MBTPS1: variants seen among roughly 807,000 people sequenced by gnomAD.
The protein encoded by MBTPS1 is membrane bound transcription factor peptidase, site 1.
Under a neutral mutation model 127.8 loss-of-function variants are expected in MBTPS1, and 94 were observed. The observed-to-expected ratio is 0.74, with a 90% CI of 0.62 to 0.87. The LOEUF (loss-of-function observed/expected upper bound fraction) is 0.87, where lower values mean the gene tolerates loss of function less well. Ranked by LOEUF, MBTPS1 falls within the 40% of genes least tolerant of loss-of-function variation. MBTPS1 has a pLI of 0.00. For missense variants in MBTPS1, 1,636 were observed against 1,353.2 expected, an observed-to-expected ratio of 1.21 and a Z score of -3.28; for synonymous variants, 632 against 509.4, an observed-to-expected ratio of 1.24 and a Z score of -3.24.
At chr16:84,089,846 T>A (rs138568108) in intron 8 of MBTPS1, among the ~76,000 whole-genome samples, 1 of 152,038 alleles carries the variant, frequency 6.6e-6, no homozygotes, top group Admixed American at 6.5e-5. Context: ...CAGCCTTGAG[T>A]GGGGACATCA....
chr16:84,063,238 T>A, intron 19 of MBTPS1, 67 bp downstream of exon 19: 2 of 1,560,530 alleles, frequency 1.3e-6, no homozygotes. Flanking sequence ...ACGGGCGCCT[T>A]TCCAGAGACA....
intron 3 of MBTPS1, among the ~76,000 whole-genome samples, chr16:84,097,176 G>C (rs1336526726): frequency 1.3e-5 from 2 of 152,180 alleles, no homozygotes; most frequent in Non-Finnish European, 2.9e-5. Flanking sequence ...TATGGCCCAT[G>C]GGATAGAACC....
intron 11 of MBTPS1, among the ~76,000 whole-genome samples, chr16:84,078,875 G>A (rs1015105962): frequency 6.6e-6 from 1 of 152,218 alleles, no homozygotes; most frequent in Non-Finnish European, 1.5e-5. Flanking sequence ...CTGATGTCAT[G>A]GTTACCTAAG....
In MBTPS1 at chr16:84,085,967, C is replaced by G. The variant is rs1222069332; in HGVS notation, c.1135-833G>C. On this transcript the variant is annotated intron_variant, in intron 9 of 22. Coordinates refer to ENST00000343411, the MANE Select transcript of MBTPS1 (RefSeq NM_003791.4). ...AACCACTGAGAAGGAACAAGATAAC[C>G]ACACGACTAACTTGGGATAACGTTT... The G allele has an allele frequency of 2.0e-5, 3 of 152,002 alleles. No homozygotes were observed. In the East Asian group the frequency reaches 5.8e-4, roughly 29 times the overall value. The allele number at this position is 152,002 out of a possible 1,614,324, so 9.4% of individuals were successfully genotyped here.
chr16:84,079,058 T>C (rs2085900802), intron 11 of MBTPS1, among the ~76,000 whole-genome samples: 1 of 152,222 alleles, frequency 6.6e-6, no homozygotes, highest in Non-Finnish European at 1.5e-5. Context: ...ACCATCCCTC[T>C]GGTGGTAACT....
At chr16:84,073,122 A>G (rs1310462657) in intron 12 of MBTPS1, among the ~76,000 whole-genome samples, 2 of 152,210 alleles carry the variant, frequency 1.3e-5, no homozygotes, top group Non-Finnish European at 2.9e-5. Context: ...TACTGGTGCC[A>G]TGCATATAGT....
chr16:84,095,555 C>T, intron 4 of MBTPS1, 47 bp downstream of exon 4: 1 of 1,590,920 alleles, frequency 6.3e-7, no homozygotes, highest in Middle Eastern at 2.0e-4. Flanking sequence ...GGTAATAGCA[C>T]ACACCTGTAT....
In MBTPS1 at chr16:84,083,711, TATTA is replaced by T. The variant is rs530058684; in HGVS notation, c.1286+1268_1286+1271del. 2.3e-3 allele frequency among the ~76,000 whole-genome samples: 355 copies of T among 152,360 alleles called. 4 individuals are homozygous for T. The highest frequency in any genetic ancestry group is 7.8e-3 in the African/African-American group (325 of 41,588). ...AAAGACATTTAATACTATTTGCCTA[TATTA>T]ATTAATTTTTAAATTAGCATAGAAT... On this transcript the variant is annotated intron_variant, in intron 10 of 22. Coordinates refer to ENST00000343411, the MANE Select transcript of MBTPS1 (RefSeq NM_003791.4).
chr16:84,089,901 G>C (rs368778774), intron 8 of MBTPS1, among the ~76,000 whole-genome samples: 6 of 152,216 alleles, frequency 3.9e-5, no homozygotes, highest in African/African-American at 1.4e-4. Context: ...CACCTGACGA[G>C]ATGACTTAAT....
At chr16:84,090,395 C>T (rs895680407) in intron 8 of MBTPS1, among the ~76,000 whole-genome samples, 2 of 152,178 alleles carry the variant, frequency 1.3e-5, no homozygotes, top group Non-Finnish European at 2.9e-5. Flanking sequence ...AAGCACCGGC[C>T]ATGTTGCCGT....
At chr16:84,079,222 G>C (rs1341562715) in intron 11 of MBTPS1, among the ~76,000 whole-genome samples, 1 of 152,192 alleles carries the variant, frequency 6.6e-6, no homozygotes, top group Non-Finnish European at 1.5e-5. Context: ...GCAGGTGCTG[G>C]TGCTATGCTT....
At chr16:84,079,987 A>G (rs536087319) in intron 11 of MBTPS1, among the ~76,000 whole-genome samples, 100 of 152,322 alleles carry the variant, frequency 6.6e-4, no homozygotes, top group Non-Finnish European at 1.0e-3. Flanking sequence ...AGCTGCTTGG[A>G]GACAGAACTG....
At chr16:84,063,167 G>A in intron 19 of MBTPS1, 138 bp downstream of exon 19, 1 of 847,546 alleles carries the variant, frequency 1.2e-6, no homozygotes, top group Non-Finnish European at 1.9e-6. Flanking sequence ...CAAAGTGACT[G>A]CAACATCTCC....
intron 16 of MBTPS1, 36 bp downstream of exon 16, chr16:84,067,631 A>C (rs1283844967): frequency 5.9e-6 from 9 of 1,520,264 alleles, no homozygotes; most frequent in Non-Finnish European, 8.1e-6. Context: ...GATTCCCCAA[A>C]AGTCTTATCC....
At chr16:84,100,505 T>C (rs1046642682) in intron 2 of MBTPS1, among the ~76,000 whole-genome samples, 24 of 151,792 alleles carry the variant, frequency 1.6e-4, no homozygotes, top group African/African-American at 2.7e-4. Context: ...GATGGTGCCA[T>C]TGCACTCCAG....
chr16:84,055,025 G>A lies in MBTPS1; in HGVS notation c.2963-380C>T, dbSNP rs374529472. On this transcript the variant is annotated intron_variant, in intron 22 of 22. Coordinates refer to ENST00000343411, the MANE Select transcript of MBTPS1 (RefSeq NM_003791.4). ...CACGTCTCTATCCAGGGGAGAAGGA[G>A]GGGCCTGTGGTTCCAGCTGAGTGGG... Among the ~76,000 whole-genome samples, 243 of 152,324 alleles carry A rather than the reference G, an allele frequency of 1.6e-3. 4 individuals carry two copies. The South Asian group carries it at 0.048, about 30-fold the overall frequency.
chr16:84,109,183 T>C (rs2086365967), intron 1 of MBTPS1, among the ~76,000 whole-genome samples: 1 of 152,144 alleles, frequency 6.6e-6, no homozygotes, highest in African/African-American at 2.4e-5. Flanking sequence ...ACAAGATGGG[T>C]TTGGAACAGT....
intron 11 of MBTPS1, among the ~76,000 whole-genome samples, chr16:84,080,788 GCAGTTC>G (rs2085929112): frequency 6.6e-6 from 1 of 152,202 alleles, no homozygotes; most frequent in Non-Finnish European, 1.5e-5. Flanking sequence ...GATCAGCACT[GCAGTTC>G]CTGCCTATTC....
Position 84,100,309 on chromosome 16 carries a change from C to A in MBTPS1, c.164-999G>T, listed in dbSNP as rs2086235874. Among the ~76,000 whole-genome samples, 3 of 152,186 alleles carry A rather than the reference C, an allele frequency of 2.0e-5. No homozygotes were observed. In the South Asian group the frequency reaches 6.2e-4, roughly 32 times the overall value. On this transcript the variant is annotated intron_variant, in intron 2 of 22. Transcript: ENST00000343411. Reference sequence around the variant, plus strand: ...CCTGTAATCCCAACACTTTGGGAGGCCAATGCAGGAGGATCACCTGAGGTC... The same window carrying A: ...CCTGTAATCCCAACACTTTGGGAGGACAATGCAGGAGGATCACCTGAGGTC...
Sources: gnomAD v4.1 joint callset for allele counts (sites outside exome capture counted in the v4.1 genomes callset) on GRCh38, gnomAD v4.1.1 for gene constraint, MANE v1.5 for transcripts, NCBI Gene and HGNC (gene_info 2026-07-23, HGNC 2026-07-21) for gene names.